LRRTM4: variants seen among roughly 807,000 people sequenced by gnomAD.
LRRTM4 encodes the protein leucine-rich repeat transmembrane neuronal protein 4.
Under a neutral mutation model 47.6 loss-of-function variants are expected in LRRTM4, and 25 were observed. The ratio of observed to expected loss-of-function variants is 0.53; its 90% confidence interval spans 0.38 to 0.73. The LOEUF (loss-of-function observed/expected upper bound fraction) is 0.73, where lower values mean the gene tolerates loss of function less well. LRRTM4 is among the 30% of genes least tolerant of loss of function. The pLI is 0.00. For synonymous variants in LRRTM4, 311 were observed against 269.5 expected, an observed-to-expected ratio of 1.15 and a Z score of -1.51; for missense variants, 638 against 713.4, an observed-to-expected ratio of 0.89 and a Z score of 1.20.
intron 3 of LRRTM4, among the ~76,000 whole-genome samples, chr2:76,951,312 T>G (rs929214346): frequency 2.0e-5 from 3 of 152,026 alleles, no homozygotes; most frequent in African/African-American, 7.2e-5. Flanking sequence ...GAGTATGAAC[T>G]GCTATTCTTA....
chr2:76,989,386 G>A (rs551761621), intron 3 of LRRTM4, among the ~76,000 whole-genome samples: 9 of 151,872 alleles, frequency 5.9e-5, no homozygotes, highest in East Asian at 3.9e-4. Context: ...GGTTTGAAGC[G>A]AATTACTTCA....
At chr2:76,801,668 A>T (rs922536040) in intron 3 of LRRTM4, among the ~76,000 whole-genome samples, 2 of 151,956 alleles carry the variant, frequency 1.3e-5, no homozygotes, top group Non-Finnish European at 2.9e-5. Context: ...GTATAATAAA[A>T]AAAAAAGAAA....
At chr2:77,499,040 C>T (rs1249564750) in intron 3 of LRRTM4, among the ~76,000 whole-genome samples, 1 of 151,782 alleles carries the variant, frequency 6.6e-6, no homozygotes, top group Non-Finnish European at 1.5e-5. Flanking sequence ...TCTTTTTAGC[C>T]TCTCCAAGAC....
intron 3 of LRRTM4, among the ~76,000 whole-genome samples, chr2:77,401,135 TCA>T (rs1392119111): frequency 6.6e-6 from 1 of 151,976 alleles, no homozygotes; most frequent in Non-Finnish European, 1.5e-5. Context: ...AGAAGAGTTC[TCA>T]AAGTGTGGTT....
At chr2:76,845,352 C>T (rs1231495067) in intron 3 of LRRTM4, among the ~76,000 whole-genome samples, 2 of 152,056 alleles carry the variant, frequency 1.3e-5, no homozygotes, top group Non-Finnish European at 2.9e-5. Flanking sequence ...ATTAGCCAGG[C>T]ATGGTGGGGA....
chr2:76,793,770 T>G (rs1255115823), intron 3 of LRRTM4, among the ~76,000 whole-genome samples: 1 of 152,080 alleles, frequency 6.6e-6, no homozygotes, highest in Non-Finnish European at 1.5e-5. Context: ...AAACAGTGAA[T>G]TGAGATCCAG....
At chr2:76,841,726 A>C (rs1671690172) in intron 3 of LRRTM4, among the ~76,000 whole-genome samples, 2 of 151,808 alleles carry the variant, frequency 1.3e-5, no homozygotes, top group Admixed American at 1.3e-4. Flanking sequence ...AAATAGACAA[A>C]AACTCCATTA....
intron 3 of LRRTM4, among the ~76,000 whole-genome samples, chr2:77,230,823 A>T (rs1674941388): frequency 1.3e-5 from 2 of 152,176 alleles, no homozygotes; most frequent in South Asian, 4.1e-4. Flanking sequence ...ACATTTTTAA[A>T]AGAAATAGTT....
chr2:77,515,951 G>T (rs906501184), intron 3 of LRRTM4, among the ~76,000 whole-genome samples: 1 of 151,750 alleles, frequency 6.6e-6, no homozygotes, highest in African/African-American at 2.4e-5. Context: ...GTCAAAAAAT[G>T]GGGTGACCCC....
chr2:76,866,450 G>C (rs1672471541), intron 3 of LRRTM4, among the ~76,000 whole-genome samples: 3 of 151,978 alleles, frequency 2.0e-5, no homozygotes, highest in Admixed American at 2.0e-4. Flanking sequence ...GGAGCATTTG[G>C]ATCAATACTG....
At chr2:76,982,019 A>T (rs1300187521) in intron 3 of LRRTM4, among the ~76,000 whole-genome samples, 1 of 152,076 alleles carries the variant, frequency 6.6e-6, no homozygotes, top group African/African-American at 2.4e-5. Flanking sequence ...TAACAACTTA[A>T]AAGCATATTT....
At chr2:77,308,888 C>T (rs1573229899) in intron 3 of LRRTM4, among the ~76,000 whole-genome samples, 1 of 152,180 alleles carries the variant, frequency 6.6e-6, no homozygotes, top group African/African-American at 2.4e-5. Context: ...CTCCACGTCT[C>T]TGTAGAATAC....
At chr2:77,444,012 T>C (rs1675948535) in intron 3 of LRRTM4, among the ~76,000 whole-genome samples, 1 of 152,152 alleles carries the variant, frequency 6.6e-6, no homozygotes. Context: ...CATAAGAGCT[T>C]TATTTAAAGG....
chr2:76,808,373 T>G (rs1670625616), intron 3 of LRRTM4, among the ~76,000 whole-genome samples: 2 of 152,158 alleles, frequency 1.3e-5, no homozygotes, highest in South Asian at 4.1e-4. Flanking sequence ...TTACCTATAA[T>G]GTTCATTCAT....
At chr2:76,781,500 G>T (rs1283272201) in intron 3 of LRRTM4, among the ~76,000 whole-genome samples, 1 of 152,246 alleles carries the variant, frequency 6.6e-6, no homozygotes, top group Non-Finnish European at 1.5e-5. Context: ...GTATTCGGGT[G>T]GGAGTGACCC....
intron 3 of LRRTM4, among the ~76,000 whole-genome samples, chr2:77,327,590 A>C (rs1049383261): frequency 6.6e-6 from 1 of 152,194 alleles, no homozygotes; most frequent in Non-Finnish European, 1.5e-5. Flanking sequence ...GAAAAGGAGA[A>C]AAATTGAGGG....
chr2:76,807,415 T>TATACACACAC (rs1169287948), intron 3 of LRRTM4, among the ~76,000 whole-genome samples: 1 of 89,508 alleles, frequency 1.1e-5, no homozygotes, highest in African/African-American at 5.0e-5. Flanking sequence ...TACGTATATA[T>TATACACACAC]ATATATATAC....
At chr2:77,125,460 G>A (rs942831943) in intron 3 of LRRTM4, among the ~76,000 whole-genome samples, 1 of 152,092 alleles carries the variant, frequency 6.6e-6, no homozygotes, top group South Asian at 2.1e-4. Flanking sequence ...ACGCATTGTT[G>A]TTAGTCTCCT....
chr2:77,479,155 C>G (rs12329048), intron 3 of LRRTM4, among the ~76,000 whole-genome samples: 37,218 of 152,008 alleles, frequency 0.24, 4,742 homozygotes, highest in Middle Eastern at 0.3. Flanking sequence ...CTCGGCCCCC[C>G]AGAGTGCTGG....
Sources: gnomAD v4.1 joint callset for allele counts (sites outside exome capture counted in the v4.1 genomes callset) on GRCh38, gnomAD v4.1.1 for gene constraint, MANE v1.5 for transcripts, NCBI Gene and HGNC (gene_info 2026-07-23, HGNC 2026-07-21) for gene names.